CAST: variants seen among roughly 807,000 people sequenced by gnomAD.
CAST encodes the protein MIR583 host.
In CAST, 76 loss-of-function variants were observed where a neutral mutation model predicts 119.6. The ratio of observed to expected loss-of-function variants is 0.64; its 90% CI spans 0.53 to 0.77. The LOEUF is 0.77. Ranked by LOEUF, CAST falls within the 30% of genes least tolerant of loss-of-function variation. The pLI, the probability that CAST is intolerant of heterozygous loss-of-function variation, is 0.00. For synonymous variants in CAST, 319 were observed against 331.6 expected, an observed-to-expected ratio of 0.96 and a Z score of 0.41; for missense variants, 953 against 946.5, an observed-to-expected ratio of 1.01 and a Z score of -0.09.
the CAST span, among the ~76,000 whole-genome samples, chr5:96,082,719 C>A: frequency 6.6e-6 from 1 of 152,042 alleles, no homozygotes; most frequent in Non-Finnish European, 1.5e-5. Context: ...AAGGTATGGA[C>A]AAATCTTCTT....
At chr5:96,172,847 C>G in the CAST span, among the ~76,000 whole-genome samples, 5 of 152,204 alleles carry the variant, frequency 3.3e-5, no homozygotes, top group Non-Finnish European at 7.3e-5. Flanking sequence ...ACTGATTGCT[C>G]TAGCAAAAGC....
At chr5:96,119,459 G>T in the CAST span, among the ~76,000 whole-genome samples, 1 of 152,076 alleles carries the variant, frequency 6.6e-6, no homozygotes, top group African/African-American at 2.4e-5. Context: ...TTCCTAAGTG[G>T]CAAAATTGAC....
intron 1 of CAST, among the ~76,000 whole-genome samples, chr5:96,618,306 A>T (rs1261375385): frequency 6.6e-6 from 1 of 152,252 alleles, no homozygotes; most frequent in African/African-American, 2.4e-5. Flanking sequence ...GTGAAAAGCC[A>T]TCCTGGTTTG....
the CAST span, among the ~76,000 whole-genome samples, chr5:96,468,984 C>T: frequency 6.6e-6 from 1 of 152,122 alleles, no homozygotes; most frequent in African/African-American, 2.4e-5. Context: ...AAATTTTGTC[C>T]TGGCCCAGTT....
chr5:96,229,076 T>C, the CAST span, among the ~76,000 whole-genome samples: 1 of 152,048 alleles, frequency 6.6e-6, no homozygotes, highest in African/African-American at 2.4e-5. Context: ...TGTTATCTAT[T>C]ACCTGGCTTT....
the CAST span, among the ~76,000 whole-genome samples, chr5:96,451,150 C>T: frequency 7.2e-5 from 11 of 152,144 alleles, no homozygotes; most frequent in Admixed American, 2.0e-4. Flanking sequence ...ACGAATTCTA[C>T]GTAATCTTAG....
intron 1 of CAST, chr5:96,663,036 G>C (rs1239075950): frequency 4.3e-6 from 3 of 697,298 alleles, no homozygotes; most frequent in Non-Finnish European, 7.8e-6. Context: ...GTGCCAGCCC[G>C]GTCCCGGCCA....
chr5:96,406,860 G>C, the CAST span, among the ~76,000 whole-genome samples: 28 of 152,130 alleles, frequency 1.8e-4, no homozygotes, highest in African/African-American at 6.8e-4. Context: ...CACCTGACTT[G>C]ACATTTCAAG....
At chr5:96,068,328 C>T in the CAST span, among the ~76,000 whole-genome samples, 1 of 152,058 alleles carries the variant, frequency 6.6e-6, no homozygotes, top group African/African-American at 2.4e-5. Flanking sequence ...TGTCTTGGGT[C>T]TTGTCTAGGA....
chr5:96,004,849 C>A, the CAST span, among the ~76,000 whole-genome samples: 3 of 152,222 alleles, frequency 2.0e-5, no homozygotes, highest in Non-Finnish European at 4.4e-5. Context: ...TTGCTTAGGA[C>A]AGTGAATGAA....
the CAST span, among the ~76,000 whole-genome samples, chr5:96,178,505 C>T: frequency 6.6e-6 from 1 of 151,834 alleles, no homozygotes; most frequent in East Asian, 1.9e-4. Context: ...AATGAGGGGG[C>T]TAATAGAATA....
At chr5:96,306,583 T>C in the CAST span, among the ~76,000 whole-genome samples, 1 of 152,208 alleles carries the variant, frequency 6.6e-6, no homozygotes. Context: ...CTTATGTGCA[T>C]TTAGTGCTGT....
the CAST span, among the ~76,000 whole-genome samples, chr5:96,383,459 T>G: frequency 3.9e-5 from 6 of 152,304 alleles, no homozygotes; most frequent in East Asian, 1.2e-3. Context: ...TGTTTTGTTT[T>G]GTTTTTGAGG....
the CAST span, among the ~76,000 whole-genome samples, chr5:96,202,513 G>C: frequency 1.3e-5 from 2 of 152,042 alleles, no homozygotes; most frequent in African/African-American, 4.8e-5. Context: ...TGACTTGTAT[G>C]AGAGGATTTA....
intron 1 of CAST, among the ~76,000 whole-genome samples, chr5:96,576,498 C>G (rs1241007761): frequency 2.6e-5 from 4 of 151,832 alleles, no homozygotes; most frequent in African/African-American, 9.7e-5. Flanking sequence ...GCACACATCA[C>G]CATGCCCGGC....
chr5:96,305,181 G>A, the CAST span, among the ~76,000 whole-genome samples: 1 of 152,114 alleles, frequency 6.6e-6, no homozygotes, highest in East Asian at 1.9e-4. Context: ...TTGTAAGTTG[G>A]ATTCCTAGGT....
At chr5:96,088,044 G>A in the CAST span, among the ~76,000 whole-genome samples, 1 of 152,190 alleles carries the variant, frequency 6.6e-6, no homozygotes, top group Non-Finnish European at 1.5e-5. Flanking sequence ...AAAAACACAG[G>A]TAATAATTAC....
chr5:96,725,859 A>C (rs1356150916), intron 4 of CAST, among the ~76,000 whole-genome samples: 1 of 152,224 alleles, frequency 6.6e-6, no homozygotes, highest in Admixed American at 6.5e-5. Flanking sequence ...ATAGAAACTC[A>C]TTAATGAGAA....
chr5:96,150,207 A>G, the CAST span, among the ~76,000 whole-genome samples: 1 of 152,216 alleles, frequency 6.6e-6, no homozygotes, highest in Non-Finnish European at 1.5e-5. Context: ...AGAACAAAGC[A>G]GTAGGTGTCA....
Sources: gnomAD v4.1 joint callset for allele counts (sites outside exome capture counted in the v4.1 genomes callset) on GRCh38, gnomAD v4.1.1 for gene constraint, MANE v1.5 for transcripts, NCBI Gene and HGNC (gene_info 2026-07-23, HGNC 2026-07-21) for gene names.